Variants in CAST observed in about 807,000 individuals in gnomAD.
CAST encodes the protein MIR583 host.
In CAST, 76 loss-of-function variants were observed where a neutral mutation model predicts 119.6. The observed-to-expected ratio is 0.64, with a 90% CI of 0.53 to 0.77. The LOEUF is 0.77. Among genes scored for constraint, CAST ranks in the 30% least tolerant of loss-of-function variants. CAST has a pLI of 0.00. For missense variants in CAST, 953 were observed against 946.5 expected (o/e 1.01, Z -0.09); for synonymous variants, 319 against 331.6 (o/e 0.96, Z 0.41).
chr5:96,221,870 A>G, the CAST span, among the ~76,000 whole-genome samples: 2 of 152,326 alleles, frequency 1.3e-5, no homozygotes, highest in South Asian at 4.1e-4. Flanking sequence ...TTACAAGGCT[A>G]TAGTAACCAA....
chr5:96,046,636 A>G, the CAST span, among the ~76,000 whole-genome samples: 1 of 152,372 alleles, frequency 6.6e-6, no homozygotes, highest in South Asian at 2.1e-4. Context: ...CAATGTGGCA[A>G]GAAACTTCTT....
At chr5:96,048,305 G>A in the CAST span, among the ~76,000 whole-genome samples, 2 of 152,106 alleles carry the variant, frequency 1.3e-5, no homozygotes, top group Non-Finnish European at 2.9e-5. Flanking sequence ...ATGAGTTAGA[G>A]GCTACTACAG....
the CAST span, among the ~76,000 whole-genome samples, chr5:96,189,485 C>G: frequency 1.3e-5 from 2 of 152,286 alleles, no homozygotes; most frequent in East Asian, 3.9e-4. Flanking sequence ...TCCTGCTGAG[C>G]AAATATTCAG....
the CAST span, among the ~76,000 whole-genome samples, chr5:96,206,278 C>A: frequency 6.6e-6 from 1 of 151,948 alleles, no homozygotes; most frequent in African/African-American, 2.4e-5. Context: ...TTGATAGTGT[C>A]TTTTGCTGTT....
At chr5:96,759,477 C>T (rs572630531) in intron 24 of CAST, among the ~76,000 whole-genome samples, 26 of 152,022 alleles carry the variant, frequency 1.7e-4, no homozygotes, top group African/African-American at 5.8e-4. Flanking sequence ...TCATAAACAC[C>T]TTTATCAATA....
the CAST span, among the ~76,000 whole-genome samples, chr5:96,148,962 A>G: frequency 7.9e-5 from 12 of 152,224 alleles, no homozygotes; most frequent in Non-Finnish European, 1.5e-4. Flanking sequence ...TAAAGTCTAA[A>G]TTTCTATTGC....
At chr5:96,107,137 T>C in the CAST span, among the ~76,000 whole-genome samples, 1 of 151,626 alleles carries the variant, frequency 6.6e-6, no homozygotes, top group African/African-American at 2.4e-5. Flanking sequence ...GAGATGGGTT[T>C]CCTGAATACA....
chr5:96,148,293 A>AT, the CAST span, among the ~76,000 whole-genome samples: 7 of 151,940 alleles, frequency 4.6e-5, no homozygotes, highest in African/African-American at 9.7e-5. Flanking sequence ...TATGATAATG[A>AT]TTTTTTTTGT....
rs149355574 is a variant in CAST, at chr5:96,605,320, A to G, written c.61-70219A>G. 3.8e-3 allele frequency among the ~76,000 whole-genome samples: 580 copies of G among 152,334 alleles called. 4 individuals are homozygous for G. Among genetic ancestry groups the G allele is most frequent in the African/African-American group, 0.013 (551 of 41,582 alleles). On this transcript the variant is annotated intron_variant, in intron 1 of 11. Transcript: ENST00000505143. Reference sequence around the variant, plus strand: ...TATACTGCCTGCTAAGCTTCATGACAACTGATCTAGGCAGATGTCAACAGC... The same window carrying G: ...TATACTGCCTGCTAAGCTTCATGACGACTGATCTAGGCAGATGTCAACAGC...
chr5:96,423,243 A>T, the CAST span: 1 of 1,473,302 alleles, frequency 6.8e-7, no homozygotes. Context: ...CTTGAAAAGA[A>T]GGAAAGCCCT....
chr5:95,980,909 C>A, the CAST span, among the ~76,000 whole-genome samples: 1 of 152,142 alleles, frequency 6.6e-6, no homozygotes, highest in East Asian at 1.9e-4. Context: ...CTCCTGCCCA[C>A]CAATACCCAT....
At chr5:96,575,138 A>C (rs534240013) in intron 1 of CAST, among the ~76,000 whole-genome samples, 33 of 152,202 alleles carry the variant, frequency 2.2e-4, no homozygotes, top group African/African-American at 7.7e-4. Flanking sequence ...ATTTTGTCAA[A>C]TGTATATTTA....
At chr5:96,216,328 G>A in the CAST span, among the ~76,000 whole-genome samples, 1 of 152,028 alleles carries the variant, frequency 6.6e-6, no homozygotes, top group Non-Finnish European at 1.5e-5. Flanking sequence ...ATTGTTCAAG[G>A]GTTAACTATA....
intron 3 of CAST, among the ~76,000 whole-genome samples, chr5:96,720,779 A>G (rs1024395349): frequency 6.6e-6 from 1 of 152,244 alleles, no homozygotes; most frequent in Non-Finnish European, 1.5e-5. Context: ...AATTCAAGGC[A>G]ATGTGATTTT....
chr5:96,494,186 A>G, the CAST span, among the ~76,000 whole-genome samples: 2 of 152,216 alleles, frequency 1.3e-5, no homozygotes, highest in Admixed American at 1.3e-4. Context: ...CAAGAAAAGA[A>G]CCTCAAGTTT....
the CAST span, among the ~76,000 whole-genome samples, chr5:96,041,705 A>T: frequency 1.7e-3 from 253 of 152,216 alleles, 4 homozygotes; most frequent in Non-Finnish European, 1.7e-3. Flanking sequence ...TAAAACTATT[A>T]TAAAAAAAAA....
chr5:96,261,407 T>G, the CAST span, among the ~76,000 whole-genome samples: 1 of 152,200 alleles, frequency 6.6e-6, no homozygotes, highest in Non-Finnish European at 1.5e-5. Flanking sequence ...GACAAGATGA[T>G]GGATCCCCAT....
At chr5:96,251,724 G>A in the CAST span, among the ~76,000 whole-genome samples, 1 of 152,030 alleles carries the variant, frequency 6.6e-6, no homozygotes, top group African/African-American at 2.4e-5. Context: ...AGTGATAAAA[G>A]CAATCAAGGG....
At chr5:96,241,813 A>G in the CAST span, among the ~76,000 whole-genome samples, 3 of 151,210 alleles carry the variant, frequency 2.0e-5, no homozygotes, top group African/African-American at 7.3e-5. Context: ...TCTGATGGCC[A>G]GTGATGGTGA....
Sources: allele counts gnomAD v4.1 joint callset (sites outside exome capture counted in the v4.1 genomes callset), GRCh38; gene constraint gnomAD v4.1.1; transcripts MANE v1.5; gene names NCBI Gene and HGNC (gene_info 2026-07-23, HGNC 2026-07-21).